The following SCGB1A1 variants were observed in gnomAD, a reference collection of about 807,000 sequenced individuals.
The protein encoded by SCGB1A1 is secretoglobin family 1A member 1.
A neutral mutation model predicts 7.5 loss-of-function variants in SCGB1A1; 8 were observed. The observed-to-expected ratio is 1.07, with a 90% confidence interval of 0.63 to 1.92. The LOEUF (loss-of-function observed/expected upper bound fraction) is 1.92. Among genes scored for constraint, SCGB1A1 ranks in the 30% most tolerant of loss-of-function variants. The pLI is 0.00. For missense variants in SCGB1A1, 121 were observed against 112.7 expected (o/e 1.07, Z -0.33); for synonymous variants, 44 against 40.8 (o/e 1.08, Z -0.30).
At position 62,419,112 on chromosome 11, in the gene SCGB1A1, C is replaced by A; in HGVS notation, c.17C>A (p.Thr6Asn). The change falls in exon 1 of 3, where the codon ACC becomes AAC. Residue 6 changes from threonine to asparagine, a missense_variant. By Grantham distance (65) the Thr-to-Asn change is moderately conservative. Coordinates refer to ENST00000278282, the MANE Select transcript of SCGB1A1 (RefSeq NM_003357.5). ...TCCTCCACCATGAAACTCGCTGTCA[C>A]CCTCACCCTGGTCACACTGGCTCTC... MKLAVTLTLVTLALCC... is the reference protein window; with the variant it reads MKLAVNLTLVTLALCC... 6.3e-7 allele frequency: 1 copy of A among 1,585,734 alleles called. No homozygotes were observed. Among genetic ancestry groups the A allele is most frequent in the South Asian group, 1.2e-5 (1 of 86,240 alleles).
intron 1 of SCGB1A1, among the ~76,000 whole-genome samples, chr11:62,419,591 C>T (rs1937728265): frequency 6.6e-6 from 1 of 152,174 alleles, no homozygotes; most frequent in Non-Finnish European, 1.5e-5. Context: ...TGCAGGGACT[C>T]GTGACCCCAA....
chr11:62,422,056 G>A, intron 1 of SCGB1A1, 165 bp from the exon 2 acceptor site: 1 of 502,374 alleles, frequency 2.0e-6, no homozygotes, highest in East Asian at 3.1e-5. Context: ...GAAGTCTAAG[G>A]AAGACTCGGG....
At chr11:62,420,314 C>CTTTTTTTT in intron 1 of SCGB1A1, among the ~76,000 whole-genome samples, 1 of 129,482 alleles carries the variant, frequency 7.7e-6, no homozygotes, top group Non-Finnish European at 1.6e-5. Context: ...TCTTTTCATT[C>CTTTTTTTT]TTTTTTTTTT....
At chr11:62,422,487 C>A (rs1206406496) in intron 2 of SCGB1A1, 79 bp downstream of exon 2, 5 of 1,288,956 alleles carry the variant, frequency 3.9e-6, no homozygotes, top group East Asian at 4.7e-5. Flanking sequence ...AGTTTTCAGA[C>A]CTGTTTCTAA....
At chr11:62,422,976 C>G (rs11231085) in intron 2 of SCGB1A1, 83 bp from the exon 3 acceptor site, 427,491 of 1,303,976 alleles carry the variant, frequency 0.33, 72,958 homozygotes, top group Non-Finnish European at 0.36. Flanking sequence ...GTTGAAGTTT[C>G]TGTGGCTCGT....
At chr11:62,422,188 G>A (rs1455293525) in intron 1 of SCGB1A1, 33 bp from the exon 2 acceptor site, 3 of 1,571,778 alleles carry the variant, frequency 1.9e-6, no homozygotes, top group East Asian at 2.3e-5. Context: ...AAAGGGGCCT[G>A]GAGACATGTG....
chr11:62,421,435 CTGGT>C (rs1937787155), intron 1 of SCGB1A1, among the ~76,000 whole-genome samples: 1 of 150,896 alleles, frequency 6.6e-6, no homozygotes, highest in African/African-American at 2.4e-5. Flanking sequence ...CCATGTTTGG[CTGGT>C]ACAATCTCAA....
intron 1 of SCGB1A1, 140 bp downstream of exon 1, chr11:62,419,290 A>G: frequency 1.6e-6 from 1 of 630,902 alleles, no homozygotes; most frequent in African/African-American, 1.9e-5. Context: ...GTCTCAGAAA[A>G]CTGGGTCTGG....
Position 62,419,133 on chromosome 11 carries a change from C to A in SCGB1A1, c.38C>A (p.Ala13Asp), listed in dbSNP as rs758214867. 6.3e-7 allele frequency: 1 copy of A among 1,582,052 alleles called. No homozygotes were observed. Among genetic ancestry groups the A allele is most frequent in the Admixed American group, 1.7e-5 (1 of 58,154 alleles). Residue 13 changes from alanine to aspartate, a missense_variant, in exon 1 of 3, where the codon GCT (alanine) becomes GAT (aspartate). Ala to Asp is a moderately radical substitution (Grantham distance 126). Coordinates refer to ENST00000278282, the MANE Select transcript of SCGB1A1 (RefSeq NM_003357.5). ...LAVTLTLVTL[A>D]LCCSSASAEI... ...GTCACCCTCACCCTGGTCACACTGGCTCTCTGCTGCAGCTCCGGTGAGTGC... is the reference window on the plus strand; with the variant it reads ...GTCACCCTCACCCTGGTCACACTGGATCTCTGCTGCAGCTCCGGTGAGTGC...
At chr11:62,422,969 G>A in intron 2 of SCGB1A1, 90 bp from the exon 3 acceptor site, 1 of 1,233,976 alleles carries the variant, frequency 8.1e-7, no homozygotes, top group Non-Finnish European at 1.2e-6. Flanking sequence ...GGTTAATGTT[G>A]AAGTTTCTGT....
chr11:62,423,018 G>A (rs372025487), intron 2 of SCGB1A1, 41 bp from the exon 3 acceptor site: 12 of 1,592,422 alleles, frequency 7.5e-6, no homozygotes, highest in Non-Finnish European at 1.0e-5. Context: ...TTCATTCACT[G>A]TTGTATTGGG....
At chr11:62,422,155 A>G in intron 1 of SCGB1A1, 66 bp from the exon 2 acceptor site, 1 of 1,456,118 alleles carries the variant, frequency 6.9e-7, no homozygotes, top group Non-Finnish European at 9.3e-7. Flanking sequence ...GGGCAGACCC[A>G]GCCAGAGGGC....
chr11:62,422,158 C>G (rs1040082125), intron 1 of SCGB1A1, 63 bp from the exon 2 acceptor site: 182 of 1,469,302 alleles, frequency 1.2e-4, no homozygotes, highest in Non-Finnish European at 1.6e-4. Flanking sequence ...CAGACCCAGC[C>G]AGAGGGCTAG....
At chr11:62,422,152 C>A in intron 1 of SCGB1A1, 69 bp from the exon 2 acceptor site, 3 of 1,423,984 alleles carry the variant, frequency 2.1e-6, no homozygotes, top group Non-Finnish European at 2.9e-6. Context: ...TCTGGGCAGA[C>A]CCAGCCAGAG....
Position 62,419,119 on chromosome 11 carries a change from C to A in SCGB1A1, c.24C>A (p.Thr8=). The change falls in exon 1 of 3, where the codon ACC becomes ACA. Residue 8 remains threonine (T), a synonymous_variant. Transcript: ENST00000278282. MKLAVTL[T]LVTLALCCSS... ...CCATGAAACTCGCTGTCACCCTCAC[C>A]CTGGTCACACTGGCTCTCTGCTGCA... is the stretch of plus-strand genomic sequence containing the variant. The A allele has an allele frequency of 6.3e-7, 1 of 1,585,614 alleles. No homozygotes were observed. Among genetic ancestry groups the A allele is most frequent in the South Asian group, 1.2e-5 (1 of 86,232 alleles).
At chr11:62,420,522 C>T (rs1937760389) in intron 1 of SCGB1A1, among the ~76,000 whole-genome samples, 1 of 151,244 alleles carries the variant, frequency 6.6e-6, no homozygotes, top group South Asian at 2.1e-4. Flanking sequence ...CCATGTTGGC[C>T]AGGATGGTCT....
intron 2 of SCGB1A1, 82 bp downstream of exon 2, chr11:62,422,490 G>C: frequency 8.1e-7 from 1 of 1,229,272 alleles, no homozygotes; most frequent in Non-Finnish European, 1.1e-6. Flanking sequence ...TTTCAGACCT[G>C]TTTCTAATCC....
rs747759927 is a variant in SCGB1A1, at chr11:62,423,137, C to T, written c.*46C>T. The T allele has an allele frequency of 6.3e-7, 1 of 1,593,374 alleles. No homozygotes were observed. The highest frequency in any genetic ancestry group is 1.7e-5 in the Admixed American group (1 of 60,002). ...CCAACTGCTCCAGCCTCTGCCGCTGCCATGCTTTGAGTCCACGCCCACCAG... is the reference window on the plus strand; with the variant it reads ...CCAACTGCTCCAGCCTCTGCCGCTGTCATGCTTTGAGTCCACGCCCACCAG... On this transcript the variant is annotated 3_prime_UTR_variant, in exon 3 of 3. Coordinates refer to ENST00000278282, the MANE Select transcript of SCGB1A1 (RefSeq NM_003357.5).
At chr11:62,419,535 G>A (rs944760251) in intron 1 of SCGB1A1, among the ~76,000 whole-genome samples, 1 of 152,156 alleles carries the variant, frequency 6.6e-6, no homozygotes, top group Non-Finnish European at 1.5e-5. Flanking sequence ...CTCCAAGTCT[G>A]GGGTCTCCAC....
Sources: gnomAD v4.1 joint callset for allele counts (sites outside exome capture counted in the v4.1 genomes callset) on GRCh38, gnomAD v4.1.1 for gene constraint, MANE v1.5 for transcripts, NCBI Gene and HGNC (gene_info 2026-07-23, HGNC 2026-07-21) for gene names.